DTNBP1: variants seen among roughly 807,000 people sequenced by gnomAD.
DTNBP1 encodes the protein dysbindin.
Under a neutral mutation model 42.8 loss-of-function variants are expected in DTNBP1, and 35 were observed. That is an observed-to-expected ratio of 0.82 (90% CI 0.63 to 1.09). The LOEUF (loss-of-function observed/expected upper bound fraction) is 1.09. Ranked by LOEUF, DTNBP1 falls within the 50% of genes least tolerant of loss-of-function variation. DTNBP1 has a pLI of 0.00. For synonymous variants in DTNBP1, 171 were observed against 162.2 expected (o/e 1.05, Z -0.41); for missense variants, 457 against 424.2 (o/e 1.08, Z -0.68).
chr6:15,523,304 G>A (rs996569254), intron 9 of DTNBP1, 85 bp from the exon 10 acceptor site: 75 of 1,554,766 alleles, frequency 4.8e-5, no homozygotes, highest in Middle Eastern at 1.8e-4. Context: ...GAATGTGCCC[G>A]TCATGAAAGG....
intron 3 of DTNBP1, among the ~76,000 whole-genome samples, chr6:15,646,666 TAG>T (rs1562011591): frequency 2.6e-5 from 4 of 151,768 alleles, no homozygotes; most frequent in Admixed American, 6.6e-5. Flanking sequence ...AGTATAAAAA[TAG>T]ACACACAGAT....
At chr6:15,629,688 T>C (rs536033073) in intron 4 of DTNBP1, among the ~76,000 whole-genome samples, 1 of 152,342 alleles carries the variant, frequency 6.6e-6, no homozygotes, top group African/African-American at 2.4e-5. Flanking sequence ...TTATCTCATT[T>C]AAACCACACA....
intron 7 of DTNBP1, among the ~76,000 whole-genome samples, chr6:15,580,565 G>T (rs566109708): frequency 1.3e-5 from 2 of 152,216 alleles, no homozygotes; most frequent in South Asian, 4.1e-4. Flanking sequence ...ATTTCATAAG[G>T]GGAAAAAACA....
chr6:15,557,385 C>A (rs1233467329), intron 7 of DTNBP1, among the ~76,000 whole-genome samples: 2 of 151,606 alleles, frequency 1.3e-5, no homozygotes, highest in Non-Finnish European at 2.9e-5. Flanking sequence ...TGTGTAAACA[C>A]ATTGGCTAAA....
At chr6:15,646,707 T>A (rs1268725435) in intron 3 of DTNBP1, among the ~76,000 whole-genome samples, 1 of 151,814 alleles carries the variant, frequency 6.6e-6, no homozygotes, top group Non-Finnish European at 1.5e-5. Context: ...AATCCAGAAA[T>A]AAAGTCACAC....
intron 7 of DTNBP1, chr6:15,585,608 T>C: frequency 8.1e-7 from 1 of 1,237,366 alleles, no homozygotes; most frequent in Admixed American, 2.9e-5. Context: ...TTCTGCTTTT[T>C]AATAATATAT....
intron 3 of DTNBP1, among the ~76,000 whole-genome samples, chr6:15,644,016 C>T (rs1480745674): frequency 6.6e-6 from 1 of 152,002 alleles, no homozygotes; most frequent in African/African-American, 2.4e-5. Flanking sequence ...AAACAAGACC[C>T]AACCTCTGCT....
In DTNBP1 at chr6:15,560,921, A is replaced by G. The variant is rs572296795; in HGVS notation, c.512-27526T>C. ...ACTTAAAAAGAGCCTATACAGCAAAAATTATTCTTGCTGCACTTTATACAA... is the reference window on the plus strand; with the variant it reads ...ACTTAAAAAGAGCCTATACAGCAAAGATTATTCTTGCTGCACTTTATACAA... On this transcript the variant is annotated intron_variant, in intron 7 of 9. Coordinates refer to ENST00000344537, the MANE Select transcript of DTNBP1 (RefSeq NM_032122.5). 9.1e-4 allele frequency among the ~76,000 whole-genome samples: 138 copies of G among 152,350 alleles called. 1 individual carries two copies. Among genetic ancestry groups the G allele is most frequent in the African/African-American group, 3.2e-3 (133 of 41,582 alleles).
chr6:15,581,663 A>G (rs1360561952), intron 7 of DTNBP1, among the ~76,000 whole-genome samples: 1 of 151,522 alleles, frequency 6.6e-6, no homozygotes, highest in Non-Finnish European at 1.5e-5. Context: ...TTTTTAGTAG[A>G]TACAGGGTTT....
chr6:15,525,343 A>C (rs971644670), intron 8 of DTNBP1, among the ~76,000 whole-genome samples: 1 of 152,244 alleles, frequency 6.6e-6, no homozygotes. Flanking sequence ...CCAGAAAACC[A>C]CAAGCCACGT....
At chr6:15,650,874 T>A (rs1760954029) in intron 3 of DTNBP1, among the ~76,000 whole-genome samples, 1 of 152,200 alleles carries the variant, frequency 6.6e-6, no homozygotes. Context: ...TTTGACCAAG[T>A]CCATTGTGTC....
Position 15,662,798 on chromosome 6 carries a change from C to T in DTNBP1, c.56+16G>A. ...GGCCCCCTCAGGTCCCTTTTCGTCG[C>T]CCACCGTATACCCACCCGGAGGTGA... On this transcript the variant is annotated intron_variant, in intron 1 of 9. Coordinates refer to ENST00000344537, the MANE Select transcript of DTNBP1 (RefSeq NM_032122.5). 1 of 1,611,954 alleles carries T rather than the reference C, an allele frequency of 6.2e-7. No individual in the cohort carries two copies. The highest frequency in any genetic ancestry group is 8.5e-7 in the Non-Finnish European group (1 of 1,179,460).
intron 5 of DTNBP1, among the ~76,000 whole-genome samples, chr6:15,618,035 T>C (rs1289696175): frequency 6.6e-6 from 1 of 152,152 alleles, no homozygotes; most frequent in Non-Finnish European, 1.5e-5. Flanking sequence ...CTGCTGGCCA[T>C]ATGGTGTTCT....
chr6:15,621,646 A>C (rs1759048964), intron 5 of DTNBP1, among the ~76,000 whole-genome samples: 1 of 152,220 alleles, frequency 6.6e-6, no homozygotes, highest in Non-Finnish European at 1.5e-5. Flanking sequence ...ATTCATATTT[A>C]TGTTCTCCCC....
At chr6:15,583,546 G>A (rs993369042) in intron 7 of DTNBP1, among the ~76,000 whole-genome samples, 1 of 152,194 alleles carries the variant, frequency 6.6e-6, no homozygotes, top group Admixed American at 6.5e-5. Context: ...ACAAAATCAT[G>A]AAGCTCCATA....
intron 9 of DTNBP1, chr6:15,523,907 G>GTGC (rs1260286435): frequency 1.6e-6 from 2 of 1,287,144 alleles, no homozygotes; most frequent in African/African-American, 3.0e-5. Flanking sequence ...GATGGCTGAG[G>GTGC]TGCTGCTGGG....
Position 15,587,640 on chromosome 6 carries a change from G to A in DTNBP1, c.511+5419C>T, listed in dbSNP as rs1206380616. Among the ~76,000 whole-genome samples, 2 of 152,170 alleles carry A rather than the reference G, an allele frequency of 1.3e-5. No individual in the cohort carries two copies. Among genetic ancestry groups the A allele is most frequent in the Non-Finnish European group, 2.9e-5 (2 of 68,028 alleles). On this transcript the variant is annotated intron_variant, in intron 7 of 9. Coordinates refer to ENST00000344537, the MANE Select transcript of DTNBP1 (RefSeq NM_032122.5). The surrounding 1 kb of genome is among the most constrained non-coding windows in gnomAD (Gnocchi z 4.1). ...TGCCAAAGCAATTCAATGGGGAAAAGAAGCTCTTTTCAAAAAATAGTTCTA... is the reference window on the plus strand; with the variant it reads ...TGCCAAAGCAATTCAATGGGGAAAAAAAGCTCTTTTCAAAAAATAGTTCTA...
At chr6:15,645,645 A>G (rs1352042057) in intron 3 of DTNBP1, among the ~76,000 whole-genome samples, 2 of 152,136 alleles carry the variant, frequency 1.3e-5, no homozygotes, top group African/African-American at 2.4e-5. Flanking sequence ...ACACAAATCA[A>G]TGAATGTGAT....
intron 1 of DTNBP1, among the ~76,000 whole-genome samples, chr6:15,662,086 G>A (rs1761668258): frequency 6.6e-6 from 1 of 152,336 alleles, no homozygotes; most frequent in African/African-American, 2.4e-5. Context: ...CTGGTCAACA[G>A]GTAGGGGGTG....
Sources: allele counts gnomAD v4.1 joint callset (sites outside exome capture counted in the v4.1 genomes callset), GRCh38; gene constraint gnomAD v4.1.1; non-coding constraint Gnocchi (gnomAD v3.1); transcripts MANE v1.5; gene names NCBI Gene and HGNC (gene_info 2026-07-23, HGNC 2026-07-21).